The following TTC6 variants were observed in gnomAD, a reference collection of about 807,000 sequenced individuals.
TTC6 encodes tetratricopeptide repeat protein 6.
In TTC6, 172 loss-of-function variants were observed where a neutral mutation model predicts 210.4. That is an observed-to-expected ratio of 0.82 (90% CI 0.72 to 0.93). The LOEUF is 0.93. Among genes scored for constraint, TTC6 ranks in the 40% least tolerant of loss-of-function variants. The pLI is 0.00. For missense variants in TTC6, 2,414 were observed against 2,318.1 expected, an observed-to-expected ratio of 1.04 and a Z score of -0.85; for synonymous variants, 804 against 819.6, an observed-to-expected ratio of 0.98 and a Z score of 0.32.
At chr14:37,768,281 C>G (rs1288721869) in intron 14 of TTC6, among the ~76,000 whole-genome samples, 1 of 150,730 alleles carries the variant, frequency 6.6e-6, no homozygotes, top group African/African-American at 2.4e-5. Flanking sequence ...CTTGGTGATG[C>G]GGGCTCTTTT....
chr14:37,624,561 A>G (rs1208035195), intron 1 of TTC6, among the ~76,000 whole-genome samples: 1 of 152,180 alleles, frequency 6.6e-6, no homozygotes, highest in Non-Finnish European at 1.5e-5. Flanking sequence ...AAGAGAGACT[A>G]TTAAATGAAT....
chr14:37,627,038 T>A (rs1219734031), intron 1 of TTC6, among the ~76,000 whole-genome samples: 1 of 152,174 alleles, frequency 6.6e-6, no homozygotes, highest in African/African-American at 2.4e-5. Context: ...CTTGGTGCTC[T>A]CTTTGCAACT....
rs111693675 is a variant in TTC6, at chr14:37,665,566, T to C, written c.940-14585T>C. On this transcript the variant is annotated intron_variant, in intron 1 of 30. Coordinates refer to ENST00000553443, the Ensembl canonical transcript of TTC6. ...GATGCTGGGCTTAATACCTAGGTGA[T>C]GAGATGATCTGTGCAACGAACCACC... 1.3e-5 allele frequency among the ~76,000 whole-genome samples: 2 copies of C among 150,382 alleles called. 1 individual carries two copies. The highest frequency in any genetic ancestry group is 4.8e-5 in the African/African-American group (2 of 41,390).
At chr14:37,624,677 A>T (rs1230494439) in intron 1 of TTC6, among the ~76,000 whole-genome samples, 1 of 151,594 alleles carries the variant, frequency 6.6e-6, no homozygotes, top group African/African-American at 2.4e-5. Flanking sequence ...GCTGGAGTGC[A>T]GTAGTGTGGT....
intron 14 of TTC6, among the ~76,000 whole-genome samples, chr14:37,775,800 C>A (rs2096035485): frequency 1.3e-5 from 2 of 152,096 alleles, no homozygotes; most frequent in Admixed American, 1.3e-4. Flanking sequence ...TCTAGGTCTC[C>A]TATGTTGGGT....
At chr14:37,790,751 T>G (rs2096077499) in exon 16 of TTC6, 1 of 1,534,478 alleles carries the variant, frequency 6.5e-7, no homozygotes, top group Non-Finnish European at 8.7e-7. Context: ...ATCTTGGTTG[T>G]TTTCTACATC....
At chr14:37,619,969 A>G (rs1214092054), upstream of TTC6, among the ~76,000 whole-genome samples, 6 of 152,172 alleles carry the variant, frequency 3.9e-5, no homozygotes, top group Non-Finnish European at 5.9e-5. Context: ...TTAACTTCCT[A>G]TTTAGTTGAA....
At chr14:37,833,054 CAAA>C (rs35167770) in intron 29 of TTC6, among the ~76,000 whole-genome samples, 4 of 131,626 alleles carry the variant, frequency 3.0e-5, no homozygotes, top group Admixed American at 1.6e-4. Flanking sequence ...GAGACTCCAT[CAAA>C]AAAAAAAAAA....
intron 1 of TTC6, among the ~76,000 whole-genome samples, chr14:37,605,763 G>A (rs934489516): frequency 6.6e-6 from 1 of 152,156 alleles, no homozygotes; most frequent in African/African-American, 2.4e-5. Context: ...AGTGTAAATG[G>A]AATGCTAAAC....
At chr14:37,697,430 T>C (rs191797993) in intron 4 of TTC6, among the ~76,000 whole-genome samples, 3 of 152,286 alleles carry the variant, frequency 2.0e-5, no homozygotes, top group Admixed American at 6.5e-5. Flanking sequence ...GATTTTCTCC[T>C]TATTTCACCA....
intron 10 of TTC6, among the ~76,000 whole-genome samples, chr14:37,747,823 A>G (rs2095940592): frequency 6.6e-6 from 1 of 152,186 alleles, no homozygotes; most frequent in African/African-American, 2.4e-5. Context: ...ATATGAATTG[A>G]GAAGGAGCCA....
At chr14:37,688,064 C>T (rs1023382126) in intron 3 of TTC6, among the ~76,000 whole-genome samples, 13 of 152,138 alleles carry the variant, frequency 8.5e-5, no homozygotes, top group African/African-American at 3.1e-4. Flanking sequence ...GGGAAGCCCA[C>T]TCCCCTGAAG....
chr14:37,713,194 T>G (rs1419295590), intron 5 of TTC6, among the ~76,000 whole-genome samples: 2 of 152,196 alleles, frequency 1.3e-5, no homozygotes, highest in Non-Finnish European at 1.5e-5. Flanking sequence ...AAGTCATAAC[T>G]GGAACACTGC....
intron 14 of TTC6, among the ~76,000 whole-genome samples, chr14:37,758,761 G>A (rs1269886350): frequency 6.6e-6 from 1 of 152,058 alleles, no homozygotes; most frequent in Non-Finnish European, 1.5e-5. Context: ...ACATTAGTTG[G>A]TGCAGTTTCT....
chr14:37,637,071 ACATC>A (rs1235436959), intron 1 of TTC6, among the ~76,000 whole-genome samples: 1 of 152,146 alleles, frequency 6.6e-6, no homozygotes, highest in African/African-American at 2.4e-5. Context: ...GAACTAGTAG[ACATC>A]CACAGGCAAA....
intron 1 of TTC6, among the ~76,000 whole-genome samples, chr14:37,669,011 T>C (rs1030561074): frequency 6.6e-6 from 1 of 152,216 alleles, no homozygotes; most frequent in East Asian, 1.9e-4. Flanking sequence ...AGTCTGTTTC[T>C]GATGCTTCCA....
chr14:37,775,985 T>C (rs1172847426), intron 14 of TTC6, among the ~76,000 whole-genome samples: 1 of 152,100 alleles, frequency 6.6e-6, no homozygotes, highest in Non-Finnish European at 1.5e-5. Context: ...TTTTTCTCCA[T>C]ACCTTTACTT....
At chr14:37,817,269 C>T (rs2139460979) in intron 25 of TTC6, among the ~76,000 whole-genome samples, 1 of 152,226 alleles carries the variant, frequency 6.6e-6, no homozygotes, top group East Asian at 1.9e-4. Flanking sequence ...AGATAGATAC[C>T]TCATTACCCA....
chr14:37,794,678 A>G (rs556083060), intron 17 of TTC6, among the ~76,000 whole-genome samples: 1 of 151,760 alleles, frequency 6.6e-6, no homozygotes, highest in East Asian at 1.9e-4. Context: ...TTCCTCCCTT[A>G]TTTTTAAGTG....
Sources: allele counts gnomAD v4.1 joint callset (sites outside exome capture counted in the v4.1 genomes callset), GRCh38; gene constraint gnomAD v4.1.1; transcripts MANE v1.5; gene names NCBI Gene and HGNC (gene_info 2026-07-23, HGNC 2026-07-21).